The following BACH2 variants were observed in gnomAD, a reference collection of about 807,000 sequenced individuals.
The protein encoded by BACH2 is transcription regulator protein BACH2.
In BACH2, 5 loss-of-function variants were observed where a neutral mutation model predicts 61.8. That is an observed-to-expected ratio of 0.08 (90% CI 0.04 to 0.17). BACH2 has a LOEUF of 0.17. BACH2 is among the 10% of genes least tolerant of loss of function. The pLI is 1.00. For synonymous variants in BACH2, 446 were observed against 440.1 expected (o/e 1.01, Z -0.17); for missense variants, 824 against 1,091.1 (o/e 0.76, Z 3.45).
At chr6:90,112,753 A>G (rs1007949437) in intron 4 of BACH2, among the ~76,000 whole-genome samples, 6 of 152,186 alleles carry the variant, frequency 3.9e-5, no homozygotes, top group African/African-American at 1.4e-4. Flanking sequence ...CATACATACA[A>G]TACTAACCTT....
chr6:90,031,740 GGGTA>G (rs953735578), intron 5 of BACH2, among the ~76,000 whole-genome samples: 90 of 152,170 alleles, frequency 5.9e-4, no homozygotes, highest in African/African-American at 1.9e-3. Flanking sequence ...CCATGCTCAT[GGGTA>G]GGAAGAATCA....
At chr6:90,274,525 G>A (rs559537334) in intron 1 of BACH2, among the ~76,000 whole-genome samples, 5 of 152,232 alleles carry the variant, frequency 3.3e-5, no homozygotes, top group African/African-American at 7.2e-5. Context: ...GTTACAGGGC[G>A]CACAAGACAA....
chr6:90,217,870 G>GA (rs1028116417), intron 3 of BACH2: 1 of 151,968 alleles, frequency 6.6e-6, no homozygotes, highest in African/African-American at 2.4e-5. Context: ...GAAGCTAAAG[G>GA]AAAATAAATA....
chr6:89,992,366 C>T (rs898848560), intron 6 of BACH2, among the ~76,000 whole-genome samples: 3 of 152,164 alleles, frequency 2.0e-5, no homozygotes, highest in Non-Finnish European at 4.4e-5. Flanking sequence ...TGGGGCCAGG[C>T]GATGTGGCTC....
chr6:89,964,604 T>C (rs555025404), intron 6 of BACH2, among the ~76,000 whole-genome samples: 5 of 152,332 alleles, frequency 3.3e-5, no homozygotes, highest in East Asian at 1.9e-4. Flanking sequence ...ACGACCCGAA[T>C]AGCAGTTCTA....
At chr6:89,960,293 G>A (rs1398804082) in intron 6 of BACH2, among the ~76,000 whole-genome samples, 1 of 152,154 alleles carries the variant, frequency 6.6e-6, no homozygotes, top group East Asian at 1.9e-4. Context: ...GGAGGCCAAG[G>A]CCCAGAAAGG....
intron 5 of BACH2, among the ~76,000 whole-genome samples, chr6:90,086,385 G>C (rs1270610607): frequency 6.6e-6 from 1 of 152,006 alleles, no homozygotes; most frequent in Non-Finnish European, 1.5e-5. Flanking sequence ...TGGTAATCCT[G>C]TTTAATTTTT....
At chr6:90,205,020 A>G (rs189346441) in intron 4 of BACH2, among the ~76,000 whole-genome samples, 1 of 152,238 alleles carries the variant, frequency 6.6e-6, no homozygotes, top group East Asian at 1.9e-4. Flanking sequence ...GTCTCCCATA[A>G]AACTTGCATC....
intron 5 of BACH2, among the ~76,000 whole-genome samples, chr6:90,028,271 G>A (rs1211542184): frequency 6.6e-6 from 1 of 152,166 alleles, no homozygotes; most frequent in Non-Finnish European, 1.5e-5. Flanking sequence ...GCTCTTATGG[G>A]CACTTAGCCC....
chr6:90,149,945 T>C (rs1395027888), intron 4 of BACH2, among the ~76,000 whole-genome samples: 2 of 152,168 alleles, frequency 1.3e-5, no homozygotes, highest in Non-Finnish European at 2.9e-5. Context: ...ACAGTCCAGA[T>C]GCCATTAAAT....
intron 6 of BACH2, among the ~76,000 whole-genome samples, chr6:89,975,174 C>A (rs1775582635): frequency 6.6e-6 from 1 of 152,106 alleles, no homozygotes. Flanking sequence ...AGATTGAGAG[C>A]CAAGCAAAGC....
At chr6:90,126,064 C>A (rs1475477535) in intron 4 of BACH2, among the ~76,000 whole-genome samples, 1 of 152,142 alleles carries the variant, frequency 6.6e-6, no homozygotes, top group African/African-American at 2.4e-5. Flanking sequence ...ACTTTGCGAT[C>A]TGTGGGATAT....
At chr6:90,257,663 T>C (rs768974820) in intron 2 of BACH2, among the ~76,000 whole-genome samples, 14 of 152,220 alleles carry the variant, frequency 9.2e-5, no homozygotes, top group Admixed American at 4.6e-4. Context: ...CTGATGTACA[T>C]TGGAATATTG....
At chr6:90,035,777 C>G (rs1423518019) in intron 5 of BACH2, among the ~76,000 whole-genome samples, 1 of 151,920 alleles carries the variant, frequency 6.6e-6, no homozygotes, top group Non-Finnish European at 1.5e-5. Context: ...TGAATATGCT[C>G]TTTTAAAAAT....
chr6:89,982,851 G>A (rs567744874), intron 6 of BACH2, among the ~76,000 whole-genome samples: 3 of 152,200 alleles, frequency 2.0e-5, no homozygotes, highest in Admixed American at 6.5e-5. Context: ...TCCAAATTAC[G>A]CACAATCTCC....
intron 6 of BACH2, among the ~76,000 whole-genome samples, chr6:89,978,344 C>T (rs1775767131): frequency 1.3e-5 from 2 of 152,096 alleles, no homozygotes; most frequent in South Asian, 2.1e-4. Context: ...AATTCACACA[C>T]CAACTGCAGA....
chr6:90,234,087 A>G (rs919421989), intron 3 of BACH2, among the ~76,000 whole-genome samples: 14 of 152,058 alleles, frequency 9.2e-5, no homozygotes, highest in Non-Finnish European at 1.6e-4. Context: ...CATCAGCAAC[A>G]CTGAGGCCAG....
At chr6:90,296,142 C>T (rs900580806) in intron 1 of BACH2, among the ~76,000 whole-genome samples, 1 of 151,984 alleles carries the variant, frequency 6.6e-6, no homozygotes, top group African/African-American at 2.4e-5. Flanking sequence ...CCATGCCTGA[C>T]TTATTACTCT....
At chr6:90,029,767 C>G (rs368308825) in intron 5 of BACH2, among the ~76,000 whole-genome samples, 1 of 152,216 alleles carries the variant, frequency 6.6e-6, no homozygotes, top group East Asian at 1.9e-4. Context: ...CATATCCCTA[C>G]GCTCTCCAGA....
Sources: allele counts gnomAD v4.1 joint callset (sites outside exome capture counted in the v4.1 genomes callset), GRCh38; gene constraint gnomAD v4.1.1; transcripts MANE v1.5; gene names NCBI Gene and HGNC (gene_info 2026-07-23, HGNC 2026-07-21).